The following FOXP1 variants were observed in gnomAD, a reference collection of about 807,000 sequenced individuals.
FOXP1 encodes the protein forkhead box protein P1.
FOXP1 carries 15 observed loss-of-function variants against 98.2 expected under a neutral mutation model. The observed-to-expected ratio is 0.15, with a 90% CI of 0.10 to 0.24. FOXP1 has a LOEUF of 0.24. FOXP1 is among the 10% of genes least tolerant of loss of function. The pLI is 1.00. For missense variants in FOXP1, 633 were observed against 848.5 expected (o/e 0.75, Z 3.15); for synonymous variants, 371 against 314.5 (o/e 1.18, Z -1.90).
At position 71,258,947 on chromosome 3, in the gene FOXP1, T is replaced by A. The variant is rs528330097; in HGVS notation, c.-12+40873A>T. On this transcript the variant is annotated intron_variant, in intron 5 of 20. Transcript: ENST00000649528. ...GATCACGAGGTCAGGAGATCGAGACTACCCTGGCTAATACAGTGAAACCCC... is the reference window on the plus strand; with the variant it reads ...GATCACGAGGTCAGGAGATCGAGACAACCCTGGCTAATACAGTGAAACCCC... Among the ~76,000 whole-genome samples the A allele has an allele frequency of 3.9e-5, 6 of 152,180 alleles. No homozygotes were observed. In the East Asian group the frequency reaches 1.2e-3, roughly 29 times the overall value.
chr3:71,059,713 A>G (rs1016093687), intron 7 of FOXP1, among the ~76,000 whole-genome samples: 1 of 152,174 alleles, frequency 6.6e-6, no homozygotes, highest in Non-Finnish European at 1.5e-5. Context: ...GGCATTTTAT[A>G]TTAACAACAA....
intron 3 of FOXP1, among the ~76,000 whole-genome samples, chr3:71,442,239 T>C (rs537284311): frequency 6.6e-6 from 1 of 152,312 alleles, no homozygotes; most frequent in South Asian, 2.1e-4. Flanking sequence ...ATTGTACGCA[T>C]ACTTCTCTAC....
At chr3:71,391,860 C>T (rs559972383) in intron 3 of FOXP1, among the ~76,000 whole-genome samples, 14 of 152,182 alleles carry the variant, frequency 9.2e-5, no homozygotes, top group Non-Finnish European at 1.8e-4. Flanking sequence ...GCTGGGGGAC[C>T]TCATGTTGGA....
At chr3:71,140,128 C>T (rs1022953203) in intron 6 of FOXP1, among the ~76,000 whole-genome samples, 2 of 151,972 alleles carry the variant, frequency 1.3e-5, no homozygotes, top group African/African-American at 4.8e-5. Context: ...TACTCCTTAT[C>T]CAAAATGATT....
At chr3:71,452,451 A>G (rs1283820801) in intron 3 of FOXP1, among the ~76,000 whole-genome samples, 1 of 152,228 alleles carries the variant, frequency 6.6e-6, no homozygotes, top group Non-Finnish European at 1.5e-5. Context: ...TCAAAGAGCC[A>G]GCAAGGCAAG....
At chr3:71,240,292 G>A (rs533191817) in intron 5 of FOXP1, among the ~76,000 whole-genome samples, 2 of 152,364 alleles carry the variant, frequency 1.3e-5, no homozygotes, top group African/African-American at 4.8e-5. Context: ...GTTTAGTGAT[G>A]CTCTTTGCAT....
At chr3:71,443,186 G>A (rs535255010) in intron 3 of FOXP1, among the ~76,000 whole-genome samples, 14 of 152,274 alleles carry the variant, frequency 9.2e-5, no homozygotes, top group African/African-American at 2.2e-4. Flanking sequence ...GAGCCACCAC[G>A]CCCGGCCCTT....
intron 5 of FOXP1, among the ~76,000 whole-genome samples, chr3:71,201,971 T>G (rs1005990565): frequency 6.6e-6 from 1 of 152,194 alleles, no homozygotes; most frequent in Non-Finnish European, 1.5e-5. Context: ...GCAGGTAGAA[T>G]GCTGCTTTCA....
At chr3:71,251,577 T>C in intron 5 of FOXP1, among the ~76,000 whole-genome samples, 1 of 152,134 alleles carries the variant, frequency 6.6e-6, no homozygotes, top group East Asian at 1.9e-4. Flanking sequence ...CACAACACCA[T>C]GTGTGGGGTG....
intron 5 of FOXP1, among the ~76,000 whole-genome samples, chr3:71,243,463 A>C (rs1477242230): frequency 6.6e-6 from 1 of 152,202 alleles, no homozygotes; most frequent in Non-Finnish European, 1.5e-5. Context: ...GAAAAAGCCA[A>C]GCACTGTGGC....
intron 3 of FOXP1, among the ~76,000 whole-genome samples, chr3:71,443,907 T>C (rs1320015084): frequency 6.6e-6 from 1 of 152,100 alleles, no homozygotes; most frequent in African/African-American, 2.4e-5. Flanking sequence ...TACCCTTCTC[T>C]CCCAATATTC....
At chr3:71,562,333 C>T (rs1029804520) in intron 2 of FOXP1, among the ~76,000 whole-genome samples, 11 of 152,216 alleles carry the variant, frequency 7.2e-5, no homozygotes, top group East Asian at 3.8e-4. Flanking sequence ...ACCAGCCTTA[C>T]GCAGCAGGTG....
intron 7 of FOXP1, among the ~76,000 whole-genome samples, chr3:71,082,512 A>G (rs533075721): frequency 2.0e-5 from 3 of 152,110 alleles, no homozygotes; most frequent in African/African-American, 7.2e-5. Context: ...CATTAGGAGA[A>G]ATACCTAATG....
chr3:71,284,761 A>G (rs1406473946), intron 5 of FOXP1, among the ~76,000 whole-genome samples: 4 of 151,938 alleles, frequency 2.6e-5, no homozygotes, highest in African/African-American at 9.7e-5. Flanking sequence ...ATGAAATACT[A>G]AATTAAAAAA....
intron 3 of FOXP1, among the ~76,000 whole-genome samples, chr3:71,363,565 C>T (rs1056557457): frequency 2.0e-5 from 3 of 152,126 alleles, no homozygotes; most frequent in Admixed American, 2.0e-4. Flanking sequence ...CAAACCAGCA[C>T]GACTGTCTTT....
At chr3:71,391,043 A>G (rs553800150) in intron 3 of FOXP1, among the ~76,000 whole-genome samples, 1 of 152,340 alleles carries the variant, frequency 6.6e-6, no homozygotes, top group African/African-American at 2.4e-5. Flanking sequence ...TACTTCAAAG[A>G]GCTCACAAAA....
At chr3:71,305,626 T>A (rs1349987610) in intron 4 of FOXP1, 5 of 152,216 alleles carry the variant, frequency 3.3e-5, no homozygotes, top group Non-Finnish European at 5.9e-5. Flanking sequence ...GGACAAAGAA[T>A]AATAAAGCTG....
At chr3:71,447,685 G>C (rs2086578256) in intron 3 of FOXP1, among the ~76,000 whole-genome samples, 1 of 152,310 alleles carries the variant, frequency 6.6e-6, no homozygotes, top group Admixed American at 6.5e-5. Context: ...TACCTGTTCA[G>C]ACACAGGTTG....
intron 11 of FOXP1, among the ~76,000 whole-genome samples, chr3:71,017,767 A>T (rs985228339): frequency 6.6e-6 from 1 of 152,164 alleles, no homozygotes; most frequent in African/African-American, 2.4e-5. Flanking sequence ...GTTAGAAATA[A>T]AATTTACCAG....
Sources: allele counts gnomAD v4.1 joint callset (sites outside exome capture counted in the v4.1 genomes callset), GRCh38; gene constraint gnomAD v4.1.1; transcripts MANE v1.5; gene names NCBI Gene and HGNC (gene_info 2026-07-23, HGNC 2026-07-21).